Variants in KCNIP4 observed in about 807,000 individuals in gnomAD.
KCNIP4 encodes Kv channel-interacting protein 4.
In KCNIP4, 12 loss-of-function variants were observed where a neutral mutation model predicts 34.0. The observed-to-expected ratio is 0.35, with a 90% CI of 0.23 to 0.57. KCNIP4 has a LOEUF of 0.57. Among genes scored for constraint, KCNIP4 ranks in the 20% least tolerant of loss-of-function variants. The pLI is 0.83. For synonymous variants in KCNIP4, 124 were observed against 102.2 expected, an observed-to-expected ratio of 1.21 and a Z score of -1.29; for missense variants, 238 against 311.7, an observed-to-expected ratio of 0.76 and a Z score of 1.78.
In KCNIP4 at chr4:21,606,600, T is replaced by C. The variant is rs546951374; in HGVS notation, c.61+341971A>G. On this transcript the variant is annotated intron_variant, in intron 1 of 8. Coordinates refer to ENST00000382152, the MANE Select transcript of KCNIP4 (RefSeq NM_025221.6). The stretch of plus-strand genomic sequence containing the variant: ...TGTTTGTTTGTTTGTTTGTTGTTTG[T>C]TGTTTGTTTTTGAGACAGAGTCTTG... 8.0e-4 allele frequency among the ~76,000 whole-genome samples: 122 copies of C among 152,086 alleles called. 2 individuals carry two copies. In the South Asian group the frequency reaches 0.024, roughly 30 times the overall value.
chr4:21,083,934 C>T (rs1405712010), intron 1 of KCNIP4, among the ~76,000 whole-genome samples: 1 of 151,814 alleles, frequency 6.6e-6, no homozygotes. Context: ...AACACAGGGG[C>T]ATTTTTACCT....
intron 1 of KCNIP4, among the ~76,000 whole-genome samples, chr4:21,604,026 T>A (rs188397341): frequency 3.2e-4 from 49 of 152,254 alleles, no homozygotes; most frequent in Non-Finnish European, 6.5e-4. Context: ...AATCTAAGAT[T>A]TTTTTCATTC....
At chr4:21,342,948 G>A (rs933705407) in intron 1 of KCNIP4, among the ~76,000 whole-genome samples, 2 of 152,088 alleles carry the variant, frequency 1.3e-5, no homozygotes, top group South Asian at 4.1e-4. Flanking sequence ...GTAGTATCAT[G>A]TGTTTTGAAT....
intron 1 of KCNIP4, among the ~76,000 whole-genome samples, chr4:21,818,143 C>A (rs1361258587): frequency 6.6e-6 from 1 of 152,180 alleles, no homozygotes; most frequent in Non-Finnish European, 1.5e-5. Context: ...TCACCCCCAG[C>A]AGCCCAGCTG....
chr4:20,767,002 AT>A (rs1024496788), intron 3 of KCNIP4: 1 of 152,202 alleles, frequency 6.6e-6, no homozygotes, highest in African/African-American at 2.4e-5. Flanking sequence ...TACACATATT[AT>A]GCTATTATCC....
intron 1 of KCNIP4, among the ~76,000 whole-genome samples, chr4:21,148,797 C>T (rs1242704570): frequency 6.6e-6 from 1 of 151,808 alleles, no homozygotes; most frequent in Non-Finnish European, 1.5e-5. Context: ...TTCAATTTGC[C>T]AAATCATTTT....
intron 1 of KCNIP4, among the ~76,000 whole-genome samples, chr4:21,419,418 A>G (rs1725252571): frequency 6.6e-6 from 1 of 152,098 alleles, no homozygotes; most frequent in African/African-American, 2.4e-5. Context: ...GGAGGTGGAG[A>G]TTATTGAGTT....
At chr4:21,523,437 A>T (rs1260850831) in intron 1 of KCNIP4, among the ~76,000 whole-genome samples, 2 of 152,106 alleles carry the variant, frequency 1.3e-5, no homozygotes, top group East Asian at 3.9e-4. Flanking sequence ...AGCCAGGTTA[A>T]ATGTAAATAT....
At chr4:20,799,235 A>G (rs1578645442) in intron 3 of KCNIP4, among the ~76,000 whole-genome samples, 1 of 152,284 alleles carries the variant, frequency 6.6e-6, no homozygotes, top group Middle Eastern at 3.4e-3. Flanking sequence ...AGGGGATTTC[A>G]GATATTCTGC....
intron 1 of KCNIP4, among the ~76,000 whole-genome samples, chr4:21,411,105 T>C (rs1425425303): frequency 2.0e-5 from 3 of 152,208 alleles, no homozygotes; most frequent in South Asian, 2.1e-4. Flanking sequence ...GAGTGACTAA[T>C]TGGTGCTGCC....
chr4:21,811,687 C>T (rs993565145), intron 1 of KCNIP4, among the ~76,000 whole-genome samples: 5 of 152,126 alleles, frequency 3.3e-5, no homozygotes, highest in African/African-American at 1.2e-4. Flanking sequence ...TCTTTTCCTT[C>T]CTGTAAGACT....
chr4:20,786,827 G>A (rs1005908278), intron 3 of KCNIP4, among the ~76,000 whole-genome samples: 1 of 125,992 alleles, frequency 7.9e-6, no homozygotes, highest in African/African-American at 3.2e-5. Context: ...TAGAAATTGG[G>A]GTAGGATACA....
chr4:21,390,411 T>C (rs1189621185), intron 1 of KCNIP4, among the ~76,000 whole-genome samples: 3 of 152,238 alleles, frequency 2.0e-5, no homozygotes, highest in Non-Finnish European at 2.9e-5. Flanking sequence ...GCCTAGGTTT[T>C]CTTCTAGGGT....
At chr4:20,810,464 GGAGA>G (rs10562717) in intron 3 of KCNIP4, among the ~76,000 whole-genome samples, 5 of 142,368 alleles carry the variant, frequency 3.5e-5, no homozygotes, top group East Asian at 4.4e-4. Flanking sequence ...GAGGAAGGGG[GGAGA>G]GAGAGAGAGA....
At chr4:21,775,609 C>G (rs908577217) in intron 1 of KCNIP4, among the ~76,000 whole-genome samples, 4 of 152,306 alleles carry the variant, frequency 2.6e-5, no homozygotes, top group South Asian at 4.1e-4. Context: ...CACCCTTCCC[C>G]CTAGGTGCTG....
At chr4:21,152,810 G>A (rs1752854310) in intron 1 of KCNIP4, among the ~76,000 whole-genome samples, 1 of 152,166 alleles carries the variant, frequency 6.6e-6, no homozygotes, top group African/African-American at 2.4e-5. Flanking sequence ...CAAGAGCGAA[G>A]CCTATTGTGA....
At chr4:21,663,778 TC>T (rs1748627602) in intron 1 of KCNIP4, among the ~76,000 whole-genome samples, 1 of 152,058 alleles carries the variant, frequency 6.6e-6, no homozygotes, top group Non-Finnish European at 1.5e-5. Flanking sequence ...AAAACAGAAA[TC>T]CCCATGCTAG....
intron 1 of KCNIP4, among the ~76,000 whole-genome samples, chr4:21,350,686 T>A (rs1433388919): frequency 6.6e-6 from 1 of 152,180 alleles, no homozygotes; most frequent in African/African-American, 2.4e-5. Context: ...ATTGAAGTGC[T>A]AAGATGAGGA....
chr4:21,124,712 A>T (rs1284727956), intron 1 of KCNIP4, among the ~76,000 whole-genome samples: 1 of 152,178 alleles, frequency 6.6e-6, no homozygotes, highest in Admixed American at 6.5e-5. Context: ...CTAGCAAAAA[A>T]GTCCAGGGCT....
Sources: gnomAD v4.1 joint callset for allele counts (sites outside exome capture counted in the v4.1 genomes callset) on GRCh38, gnomAD v4.1.1 for gene constraint, MANE v1.5 for transcripts, NCBI Gene and HGNC (gene_info 2026-07-23, HGNC 2026-07-21) for gene names.